Variants in PCDHGA5 observed in about 807,000 individuals in gnomAD.
PCDHGA5 encodes protocadherin gamma-A5.
PCDHGA5 carries 36 observed loss-of-function variants against 56.7 expected under a neutral mutation model. The ratio of observed to expected loss-of-function variants is 0.64; its 90% confidence interval spans 0.49 to 0.84. The LOEUF is 0.84. PCDHGA5 is among the 40% of genes least tolerant of loss of function. The pLI is 0.00. For synonymous variants in PCDHGA5, 563 were observed against 520.2 expected (o/e 1.08, Z -1.12); for missense variants, 1,305 against 1,201.5 (o/e 1.09, Z -1.27).
chr5:141,393,475 C>G lies in PCDHGA5; in HGVS notation c.2421+26724C>G, dbSNP rs200282311. The G allele has an allele frequency of 1.2e-3, 1,881 of 1,614,046 alleles. 9 individuals are homozygous for G. Among genetic ancestry groups the G allele is most frequent in the South Asian group, 3.4e-3 (312 of 91,088 alleles). On this transcript the variant is annotated intron_variant, in intron 1 of 3. Coordinates refer to ENST00000518069, the MANE Select transcript of PCDHGA5 (RefSeq NM_018918.3). ...ACGGCCTCGGATGGCGGCAAGCCGC[C>G]TCGCTCTAGCACAGTGCGCATCCAC... is the stretch of plus-strand genomic sequence containing the variant.
In PCDHGA5 at chr5:141,410,620, G is replaced by C. The variant is rs765125633; in HGVS notation, c.2421+43869G>C. ...CTTCACATCCTGAGACTCTGACTTC[G>C]GTGAGTTTCTCTTTTTTGTGTGTGA... On this transcript the variant is annotated intron_variant, in intron 1 of 3. Coordinates refer to ENST00000518069, the MANE Select transcript of PCDHGA5 (RefSeq NM_018918.3). The C allele has an allele frequency of 3.4e-5, 55 of 1,603,406 alleles. 1 individual carries two copies. The highest frequency in any genetic ancestry group is 2.8e-4 in the Admixed American group (17 of 59,744).
chr5:141,400,005 T>A, intron 1 of PCDHGA5: 1 of 1,612,520 alleles, frequency 6.2e-7, no homozygotes, highest in Non-Finnish European at 8.5e-7. Context: ...GCACAGCGCG[T>A]GCCTTGGGCG....
intron 1 of PCDHGA5, chr5:141,395,370 G>A (rs377682598): frequency 1.7e-6 from 2 of 1,207,198 alleles, no homozygotes; most frequent in South Asian, 1.7e-5. Flanking sequence ...GTTTATTTTG[G>A]TGGTGTTACT....
At chr5:141,398,829 C>A in intron 1 of PCDHGA5, 2 of 1,613,994 alleles carry the variant, frequency 1.2e-6, no homozygotes, top group East Asian at 2.2e-5. Flanking sequence ...AGGTAACCGA[C>A]GCCAATGATA....
At chr5:141,483,919 G>T (rs912152955) in intron 1 of PCDHGA5, among the ~76,000 whole-genome samples, 2 of 151,008 alleles carry the variant, frequency 1.3e-5, no homozygotes, top group South Asian at 2.1e-4. Flanking sequence ...CACTCAGATT[G>T]CAGGTCGTAG....
rs368547508 is a variant in PCDHGA5, at chr5:141,366,079, A to T, written c.1749A>T (p.Glu583Asp). Residue 583 changes from glutamate (E) to aspartate (D), a missense_variant, in exon 1 of 4, where the codon GAA becomes GAT. Transcript: ENST00000518069. ...TGGAGCTGGCGCCTCGCTCCGCAGA[A>T]CCTGGCTACCTGGTGACCAAGGTGG... ...TGVELAPRSA[E>D]PGYLVTKVVA... is the part of the protein sequence containing the mutation. 100 of 1,614,102 alleles carry T rather than the reference A, an allele frequency of 6.2e-5. No homozygotes were observed. Among genetic ancestry groups the T allele is most frequent in the Non-Finnish European group, 8.1e-5 (95 of 1,180,048 alleles).
chr5:141,428,159 G>A (rs1377084529), intron 1 of PCDHGA5: 1 of 1,571,752 alleles, frequency 6.4e-7, no homozygotes, highest in East Asian at 2.2e-5. Context: ...GAACCTGCTG[G>A]TTGCTGTGCG....
intron 1 of PCDHGA5, among the ~76,000 whole-genome samples, chr5:141,459,249 A>G (rs901058693): frequency 6.6e-6 from 1 of 152,218 alleles, no homozygotes; most frequent in Non-Finnish European, 1.5e-5. Flanking sequence ...TCCTGTCACT[A>G]TAAATTAGTG....
rs1386904017 is a variant in PCDHGA5 at position 141,476,642 on chromosome 5, CG to C, written c.2422-18164del. On this transcript the variant is annotated intron_variant, in intron 1 of 3. Coordinates refer to ENST00000518069, the MANE Select transcript of PCDHGA5 (RefSeq NM_018918.3). The surrounding 1 kb of genome is among the most constrained non-coding windows in gnomAD (Gnocchi z 7.6). ...CTCTTTACAAACCTATGAGCTGAGC[CG>C]AAATGAATACTTTGCGCTTCGCGTG... The C allele has an allele frequency of 2.5e-6, 4 of 1,614,240 alleles. No homozygotes were observed.
At chr5:141,424,668 A>G (rs1561816018) in intron 1 of PCDHGA5, 1 of 152,196 alleles carries the variant, frequency 6.6e-6, no homozygotes, top group Non-Finnish European at 1.5e-5. Flanking sequence ...AATTAAACTG[A>G]TTTAGCTAGT....
intron 1 of PCDHGA5, chr5:141,383,852 A>G (rs1162643765): frequency 1.9e-6 from 3 of 1,613,966 alleles, no homozygotes; most frequent in East Asian, 4.5e-5. Context: ...TATGAAATGG[A>G]GGTTCAGGCT....
chr5:141,421,532 C>T lies in PCDHGA5; in HGVS notation c.2421+54781C>T, dbSNP rs557991200. On this transcript the variant is annotated intron_variant, in intron 1 of 3. Transcript: ENST00000518069. ...GAGGAGCTCTGTGAGACGGTGTCCT[C>T]CTGTTTTTTAAATATGGAACTTCTC... The T allele has an allele frequency of 1.4e-5, 23 of 1,613,996 alleles. No individual in the cohort carries two copies. In the African/African-American group the frequency reaches 2.4e-4, roughly 17 times the overall value.
intron 1 of PCDHGA5, chr5:141,415,649 A>T: frequency 1.9e-6 from 3 of 1,597,710 alleles, no homozygotes; most frequent in Non-Finnish European, 2.6e-6. Context: ...GTTAAAAAAA[A>T]AAAGATTGGT....
chr5:141,400,387 C>T, intron 1 of PCDHGA5: 2 of 1,614,068 alleles, frequency 1.2e-6, no homozygotes, highest in Non-Finnish European at 1.7e-6. Context: ...ATGTGTTGCA[C>T]ATACAGGAAA....
chr5:141,372,396 T>C (rs1039579304), intron 1 of PCDHGA5: 1 of 1,614,052 alleles, frequency 6.2e-7, no homozygotes, highest in Non-Finnish European at 8.5e-7. Context: ...CGCAGATAGC[T>C]TGCAAGAGAT....
rs371807105 is a variant in PCDHGA5 at position 141,476,586 on chromosome 5, A to G, written c.2422-18221A>G. ...GCTCCGGGGACGCGCTTTCCGCTCG[A>G]GAGCGCGCACGATCCCGATGTGGGA... is the stretch of plus-strand genomic sequence containing the variant. On this transcript the variant is annotated intron_variant, in intron 1 of 3. Coordinates refer to ENST00000518069, the MANE Select transcript of PCDHGA5 (RefSeq NM_018918.3). This position sits in a 1 kb window ranked among gnomAD's most constrained non-coding sequence, Gnocchi z 7.6. The G allele has an allele frequency of 6.2e-7, 1 of 1,614,222 alleles. No homozygotes were observed. The highest frequency in any genetic ancestry group is 8.5e-7 in the Non-Finnish European group (1 of 1,180,032).
At chr5:141,398,506 A>G (rs2093664607) in intron 1 of PCDHGA5, 1 of 1,601,998 alleles carries the variant, frequency 6.2e-7, no homozygotes, top group South Asian at 1.1e-5. Context: ...CGAGGACATT[A>G]ATGACCACAC....
chr5:141,364,767 C>T lies in PCDHGA5; in HGVS notation c.437C>T (p.Ala146Val), dbSNP rs868142397. The change falls in exon 1 of 4, where the codon GCG becomes GTG. Residue 146 changes from alanine to valine, a missense_variant. By Grantham distance (64) the Ala-to-Val change is moderately conservative. Transcript: ENST00000518069. ...TTAAAAGTAAAAGTTAATGAAAATG[C>T]GGCTGCAGGGACACGGTTAGTGCTT... Reference protein sequence around the residue: ...EELKVKVNENAAAGTRLVLPF... With the variant: ...EELKVKVNENVAAGTRLVLPF... The T allele has an allele frequency of 6.2e-7, 1 of 1,613,876 alleles. No individual in the cohort carries two copies. Among genetic ancestry groups the T allele is most frequent in the Non-Finnish European group, 8.5e-7 (1 of 1,179,854 alleles).
chr5:141,418,891 C>G (rs774546487), intron 1 of PCDHGA5: 4 of 1,613,842 alleles, frequency 2.5e-6, no homozygotes, highest in East Asian at 2.2e-5. Context: ...ACGACAACAG[C>G]CCAGAAATAA....
Sources: allele counts gnomAD v4.1 joint callset (sites outside exome capture counted in the v4.1 genomes callset), GRCh38; gene constraint gnomAD v4.1.1; non-coding constraint Gnocchi (gnomAD v3.1); transcripts MANE v1.5; gene names NCBI Gene and HGNC (gene_info 2026-07-23, HGNC 2026-07-21).